Variants in PGD observed in about 807,000 individuals in gnomAD.
The protein encoded by PGD is phosphogluconate dehydrogenase, also known as 6-phosphogluconate dehydrogenase, decarboxylating.
In PGD, 21 loss-of-function variants were observed where a neutral mutation model predicts 60.4. That is an observed-to-expected ratio of 0.35 (90% confidence interval 0.25 to 0.50). PGD has a LOEUF of 0.50. Ranked by LOEUF, PGD falls within the 20% of genes least tolerant of loss-of-function variation. The probability of loss-of-function intolerance (pLI) is 0.98; values close to 1 mark genes in which losing one functional copy is unlikely to be tolerated. For missense variants in PGD, 477 were observed against 613.1 expected, an observed-to-expected ratio of 0.78 and a Z score of 2.34; for synonymous variants, 230 against 235.9, an observed-to-expected ratio of 0.97 and a Z score of 0.23.
At position 10,420,220 on chromosome 1, in the gene PGD, T is replaced by TA. The variant is rs59990300; in HGVS notation, c.*480dup. On this transcript the variant is annotated 3_prime_UTR_variant, in exon 13 of 13. Coordinates refer to ENST00000270776, the MANE Select transcript of PGD (RefSeq NM_002631.4). ...CCCCATTGGCAGAAAGATTTTTCTT[T>TA]AAAAAAAAAGACTAGAATAACACAA... 0.02 allele frequency: 3,067 copies of TA among 156,736 alleles called. 44 individuals carry two copies. Among genetic ancestry groups the TA allele is most frequent in the Non-Finnish European group, 0.028 (1,986 of 70,896 alleles). 9.7% of individuals were successfully genotyped at this position (156,736 alleles called of 1,614,324 possible).
chr1:10,417,725 T>C (rs1639620832), intron 10 of PGD, among the ~76,000 whole-genome samples: 1 of 152,204 alleles, frequency 6.6e-6, no homozygotes, highest in African/African-American at 2.4e-5. Flanking sequence ...TTTTTTTCTT[T>C]TGAGACCAAG....
intron 4 of PGD, among the ~76,000 whole-genome samples, 199 bp from the exon 5 acceptor site, chr1:10,403,962 A>G (rs1325238999): frequency 6.6e-6 from 1 of 152,026 alleles, no homozygotes; most frequent in Admixed American, 6.6e-5. Flanking sequence ...TTGTTTTTTA[A>G]CTCCTACACA....
At chr1:10,418,804 T>C (rs779793604) in intron 10 of PGD, 22 bp from the exon 11 acceptor site, 7 of 1,411,428 alleles carry the variant, frequency 5.0e-6, no homozygotes, top group Non-Finnish European at 5.9e-6. Context: ...TCATTGCTTT[T>C]TTCCCCCCTT....
chr1:10,416,993 C>T lies in PGD; in HGVS notation c.851C>T (p.Ala284Val). Residue 284 changes from alanine (A) to valine (V), a missense_variant, in exon 9 of 13, where the codon GCT becomes GTT. Around this residue, in one of 3 missense-constraint regions of PGD, gnomAD observed 431 missense variants for 556.6 expected, o/e 0.77. Coordinates refer to ENST00000270776, the MANE Select transcript of PGD (RefSeq NM_002631.4). ...TCCCGATCTCCCCATGTAGGAGAAGCTGTCTTTGCTCGGTGCTTATCATCT... is the reference window on the plus strand; with the variant it reads ...TCCCGATCTCCCCATGTAGGAGAAGTTGTCTTTGCTCGGTGCTTATCATCT... ...YGVPVTLIGE[A>V]VFARCLSSLK... 6.2e-7 allele frequency: 1 copy of T among 1,613,396 alleles called. No individual in the cohort carries two copies. The highest frequency in any genetic ancestry group is 8.5e-7 in the Non-Finnish European group (1 of 1,179,496).
rs568686970 is a variant in PGD at position 10,404,877 on chromosome 1, T to C, written c.449+598T>C. 8.1e-4 allele frequency among the ~76,000 whole-genome samples: 123 copies of C among 152,326 alleles called. 1 individual carries two copies. The highest frequency in any genetic ancestry group is 2.8e-3 in the African/African-American group (115 of 41,570). ...ATGTAGGAATAAGGTCTGCCTCTTTTAGCTGATATATAACCCAAAAGTAAC... is the reference window on the plus strand; with the variant it reads ...ATGTAGGAATAAGGTCTGCCTCTTTCAGCTGATATATAACCCAAAAGTAAC... On this transcript the variant is annotated intron_variant, in intron 5 of 12. Coordinates refer to ENST00000270776, the MANE Select transcript of PGD (RefSeq NM_002631.4).
intron 1 of PGD, 103 bp downstream of exon 1, chr1:10,399,228 G>T (rs1269148054): frequency 6.6e-6 from 9 of 1,369,726 alleles, no homozygotes; most frequent in Admixed American, 1.9e-5. Context: ...CACCCTGGGG[G>T]TCGCCTGAGC....
At chr1:10,410,261 G>T (rs926812597) in intron 6 of PGD, among the ~76,000 whole-genome samples, 3 of 152,036 alleles carry the variant, frequency 2.0e-5, no homozygotes, top group African/African-American at 7.2e-5. Context: ...GACCAGCCTG[G>T]CCAACATGGT....
chr1:10,402,014 C>CAAATAAATAAAT (rs571995482), intron 3 of PGD, among the ~76,000 whole-genome samples: 26 of 151,464 alleles, frequency 1.7e-4, no homozygotes, highest in African/African-American at 6.3e-4. Flanking sequence ...GACTCCGTCT[C>CAAATAAATAAAT]AAATAAATAA....
Position 10,416,976 on chromosome 1 carries a change from T to A in PGD, c.845-11T>A. The stretch of plus-strand genomic sequence containing the variant: ...AGTAATCTGTTTCCTCTTCCCGATC[T>A]CCCCATGTAGGAGAAGCTGTCTTTG... On this transcript the variant is annotated splice_polypyrimidine_tract_variant and intron_variant, in intron 8 of 12. Transcript: ENST00000270776. 3.7e-6 allele frequency: 6 copies of A among 1,612,184 alleles called. No homozygotes were observed. Among genetic ancestry groups the A allele is most frequent in the Non-Finnish European group, 5.1e-6 (6 of 1,178,768 alleles).
Position 10,417,502 on chromosome 1 carries a change from A to G in PGD, c.1102A>G (p.Ile368Val). ...IALMWRGGCI[I>V]RSVFLGKIKD... Reference sequence around the variant, plus strand: ...CCTGATGTGGAGAGGGGGCTGCATCATTAGAAGGTAAGTGAGAGGCAGCCC... The same window carrying G: ...CCTGATGTGGAGAGGGGGCTGCATCGTTAGAAGGTAAGTGAGAGGCAGCCC... Residue 368 changes from isoleucine (I) to valine (V), a missense_variant, in exon 10 of 13, where the codon ATT (isoleucine) becomes GTT (valine). Around this residue, in one of 3 missense-constraint regions of PGD, gnomAD observed 431 missense variants for 556.6 expected, o/e 0.77. Transcript: ENST00000270776. 2.5e-6 allele frequency: 4 copies of G among 1,610,080 alleles called. No individual in the cohort carries two copies. Among genetic ancestry groups the G allele is most frequent in the Non-Finnish European group, 2.5e-6 (3 of 1,178,296 alleles).
Position 10,408,074 on chromosome 1 carries a change from C to T in PGD, c.453C>T (p.Pro151=). The change falls in exon 6 of 13, where the codon CCC becomes CCT. Residue 151 remains proline (P), a synonymous_variant. Transcript: ENST00000270776. ...ACCACACTGTTTCTTTACACAGGCC[C>T]CACATCAAGACCATCTTCCAAGGCA... ...LMPGGNKEAW[P]HIKTIFQGIA... The T allele has an allele frequency of 1.3e-6, 2 of 1,596,312 alleles. No homozygotes were observed. The highest frequency in any genetic ancestry group is 1.7e-6 in the Non-Finnish European group (2 of 1,163,670).
At position 10,399,086 on chromosome 1, in the gene PGD, C is replaced by T. The variant is rs1212982240; in HGVS notation, c.-32C>T. ...TTTCCCTCACTCGTCCTCCGCGCGT[C>T]GCCGCTCTTCGGTTCTGCTCTGTCC... On this transcript the variant is annotated 5_prime_UTR_variant, in exon 1 of 13. Coordinates refer to ENST00000270776, the MANE Select transcript of PGD (RefSeq NM_002631.4). 6.8e-6 allele frequency: 11 copies of T among 1,608,930 alleles called. No individual in the cohort carries two copies. The highest frequency in any genetic ancestry group is 1.3e-5 in the African/African-American group (1 of 74,860).
In PGD at chr1:10,419,174, A is replaced by ATT. The variant is rs36039303; in HGVS notation, c.1210-228_1210-227dup. Among the ~76,000 whole-genome samples the ATT allele has an allele frequency of 6.5e-3, 903 of 138,250 alleles. 9 individuals are homozygous for ATT. The highest frequency in any genetic ancestry group is 0.02 in the African/African-American group (763 of 37,272). 90.7% of individuals were successfully genotyped at this position (138,250 alleles called of 152,430 possible). ...ACAGGTGTGCCAACATACCTGGCTA[A>ATT]TTTTTTTTTTTTTTTTGTATTTTTA... On this transcript the variant is annotated intron_variant, in intron 11 of 12. Coordinates refer to ENST00000270776, the MANE Select transcript of PGD (RefSeq NM_002631.4).
chr1:10,403,303 A>G (rs1419057725), intron 4 of PGD, among the ~76,000 whole-genome samples, 167 bp downstream of exon 4: 1 of 152,028 alleles, frequency 6.6e-6, no homozygotes, highest in Non-Finnish European at 1.5e-5. Flanking sequence ...GACACACTTA[A>G]CAGAAGGGCC....
intron 6 of PGD, 39 bp downstream of exon 6, chr1:10,408,179 T>TGGGCGTGTCAA: frequency 8.6e-7 from 1 of 1,160,294 alleles, no homozygotes; most frequent in South Asian, 1.2e-5. Context: ...ATTGGCAACA[T>TGGGCGTGTCAA]GGGCGTGTCT....
intron 4 of PGD, among the ~76,000 whole-genome samples, chr1:10,403,534 T>G (rs12093245): frequency 0.065 from 8,992 of 138,730 alleles, 502 homozygotes; most frequent in African/African-American, 0.16. Context: ...GAAGTTGCAG[T>G]GAGCCGAGAT....
chr1:10,420,395 T>C lies in PGD; in HGVS notation c.*646T>C, dbSNP rs1639675694. ...AACGTGCTTTTTCTTTCGTCTTTTT[T>C]TTTTTTTTTTTTTTTTTTGCTCCTG... On this transcript the variant is annotated 3_prime_UTR_variant, in exon 13 of 13. Coordinates refer to ENST00000270776, the MANE Select transcript of PGD (RefSeq NM_002631.4). Among the ~76,000 whole-genome samples the C allele has an allele frequency of 6.8e-6, 1 of 146,846 alleles. No individual in the cohort carries two copies. Among genetic ancestry groups the C allele is most frequent in the Non-Finnish European group, 1.5e-5 (1 of 66,652 alleles).
At chr1:10,404,477 C>A (rs568701960) in intron 5 of PGD, among the ~76,000 whole-genome samples, 198 bp downstream of exon 5, 1 of 150,512 alleles carries the variant, frequency 6.6e-6, no homozygotes, top group Admixed American at 6.6e-5. Flanking sequence ...TGCCTTTTTT[C>A]TTCTGTTATT....
chr1:10,399,164 C>G (rs760933153), intron 1 of PGD, 39 bp downstream of exon 1: 1 of 1,604,850 alleles, frequency 6.2e-7, no homozygotes. Context: ...TCGGCCTCAG[C>G]GGGCGGGGAA....
Sources: allele counts gnomAD v4.1 joint callset (sites outside exome capture counted in the v4.1 genomes callset), GRCh38; gene constraint gnomAD v4.1.1; regional missense constraint gnomAD v4.1.1; transcripts MANE v1.5; gene names NCBI Gene and HGNC (gene_info 2026-07-23, HGNC 2026-07-21).